ATP13A5: variants seen among roughly 807,000 people sequenced by gnomAD.
ATP13A5 encodes the protein probable cation-transporting ATPase 13A5.
A neutral mutation model predicts 150.2 loss-of-function variants in ATP13A5; 149 were observed. That is an observed-to-expected ratio of 0.99 (90% CI 0.87 to 1.14). The LOEUF is 1.14. Among genes scored for constraint, ATP13A5 ranks in the 50% most tolerant of loss-of-function variants. ATP13A5 has a pLI of 0.00. For missense variants in ATP13A5, 1,383 were observed against 1,449.3 expected (o/e 0.95, Z 0.74); for synonymous variants, 497 against 522.2 (o/e 0.95, Z 0.66).
intron 27 of ATP13A5, among the ~76,000 whole-genome samples, chr3:193,283,655 T>A (rs1717598063): frequency 6.6e-6 from 1 of 152,072 alleles, no homozygotes; most frequent in Non-Finnish European, 1.5e-5. Context: ...GAAGTGAAAA[T>A]CAGTACAAAC....
At chr3:193,312,928 T>TATGGTG (rs112889439) in intron 19 of ATP13A5, 8,074 of 152,018 alleles carry the variant, frequency 0.053, 631 homozygotes, top group African/African-American at 0.18. Context: ...GGAGAGGAAG[T>TATGGTG]ATGGTGGAGG....
intron 23 of ATP13A5, among the ~76,000 whole-genome samples, chr3:193,304,975 C>T (rs1718552664): frequency 6.6e-6 from 1 of 151,608 alleles, no homozygotes; most frequent in Admixed American, 6.6e-5. Flanking sequence ...AGAACTCCCT[C>T]ACTATCATGA....
At chr3:193,351,010 G>A in intron 7 of ATP13A5, 57 bp downstream of exon 7, 1 of 1,591,642 alleles carries the variant, frequency 6.3e-7, no homozygotes, top group Non-Finnish European at 8.6e-7. Context: ...AAATACCATG[G>A]GCTTTACTTC....
In ATP13A5 at chr3:193,332,060, C is replaced by T. The variant is rs191587087; in HGVS notation, c.1273-749G>A. ...TTTGGCTGTGTCCCGACCCAAATCT[C>T]GTCTTGAATTGTAGCTCCCCTAATT... is the stretch of plus-strand genomic sequence containing the variant. On this transcript the variant is annotated intron_variant, in intron 11 of 29. Coordinates refer to ENST00000342358, the MANE Select transcript of ATP13A5 (RefSeq NM_198505.4). Among the ~76,000 whole-genome samples the T allele has an allele frequency of 6.2e-4, 95 of 152,270 alleles. 1 individual carries two copies. The highest frequency in any genetic ancestry group is 3.1e-4 in the Non-Finnish European group (21 of 68,010).
rs775835625 is a variant in ATP13A5 at position 193,335,007 on chromosome 3, C to G, written c.1036G>C (p.Val346Leu). The G allele has an allele frequency of 1.2e-6, 2 of 1,613,836 alleles. No individual in the cohort carries two copies. Among genetic ancestry groups the G allele is most frequent in the Non-Finnish European group, 1.7e-6 (2 of 1,179,838 alleles). Reference protein sequence around the residue: ...CHSLEDYRKHVLFCGTEVIQV... With the variant: ...CHSLEDYRKHLLFCGTEVIQV... ...ATAACTTCTGTTCCACAGAAAAGGA[C>G]GTGTTTCCTATAATCCTCCAAACTG... The change falls in exon 10 of 30, where the codon GTC (valine) becomes CTC (leucine). Residue 346 changes from valine (V) to leucine (L), a missense_variant. By Grantham distance (32) the Val-to-Leu change is conservative. This residue lies in a region of ATP13A5 where 787 missense variants were observed against 771.9 expected (regional missense o/e 1.02). Coordinates refer to ENST00000342358, the MANE Select transcript of ATP13A5 (RefSeq NM_198505.4).
intron 17 of ATP13A5, among the ~76,000 whole-genome samples, chr3:193,317,357 T>A (rs1292346668): frequency 2.0e-5 from 3 of 152,218 alleles, no homozygotes; most frequent in Non-Finnish European, 4.4e-5. Context: ...TTTATGGGTT[T>A]ATTTTCTAAT....
chr3:193,362,775 T>TTCTCTCTTTCTTTCTC (rs1245254852), intron 3 of ATP13A5, 138 bp from the exon 4 acceptor site: 2 of 335,840 alleles, frequency 6.0e-6, no homozygotes, highest in African/African-American at 3.6e-5. Context: ...CTTTCTTTCT[T>TTCTCTCTTTCTTTCTC]TCTTTCTTTC....
Position 193,319,005 on chromosome 3 carries a change from G to A in ATP13A5, c.2019C>T (p.Val673=), listed in dbSNP as rs6788770. 6.2e-7 allele frequency: 1 copy of A among 1,613,470 alleles called. No homozygotes were observed. Among genetic ancestry groups the A allele is most frequent in the Non-Finnish European group, 8.5e-7 (1 of 1,179,500 alleles). ...GAATTGCTTACCTGGCTAAGTGCTC[G>A]ACTTCTGAAAGATTCCCCATCTTTA... ...KTLKMGNLSE[V]EHLAREKVES... The change falls in exon 17 of 30, where the codon GTC becomes GTT. Residue 673 remains valine (V), a synonymous_variant. Coordinates refer to ENST00000342358, the MANE Select transcript of ATP13A5 (RefSeq NM_198505.4).
At chr3:193,343,721 T>C (rs1042323440) in intron 9 of ATP13A5, among the ~76,000 whole-genome samples, 6 of 152,250 alleles carry the variant, frequency 3.9e-5, no homozygotes, top group Non-Finnish European at 7.3e-5. Flanking sequence ...TTTGTTTTCA[T>C]TTCACATTTA....
At chr3:193,344,230 G>T (rs1712239296) in intron 8 of ATP13A5, among the ~76,000 whole-genome samples, 175 bp from the exon 9 acceptor site, 1 of 152,154 alleles carries the variant, frequency 6.6e-6, no homozygotes, top group African/African-American at 2.4e-5. Context: ...TAGGAAATTG[G>T]TTCCTGGGAC....
At chr3:193,310,802 TG>T in intron 20 of ATP13A5, 85 bp from the exon 21 acceptor site, 1 of 974,842 alleles carries the variant, frequency 1.0e-6, no homozygotes, top group Non-Finnish European at 1.5e-6. Flanking sequence ...AAATCACTCC[TG>T]GTTACTAATT....
intron 13 of ATP13A5, among the ~76,000 whole-genome samples, chr3:193,326,249 A>G (rs1316947065): frequency 6.6e-6 from 1 of 152,178 alleles, no homozygotes; most frequent in East Asian, 1.9e-4. Context: ...CTTAGCCCAT[A>G]GGGAAGGAGC....
At chr3:193,350,520 C>A (rs1357285982) in intron 7 of ATP13A5, among the ~76,000 whole-genome samples, 1 of 152,130 alleles carries the variant, frequency 6.6e-6, no homozygotes, top group Non-Finnish European at 1.5e-5. Flanking sequence ...CATCCCCTAA[C>A]TCCCACACAG....
intron 17 of ATP13A5, among the ~76,000 whole-genome samples, chr3:193,315,491 C>T (rs1476560640): frequency 1.3e-5 from 2 of 152,188 alleles, no homozygotes; most frequent in East Asian, 3.8e-4. Context: ...TGCATACATA[C>T]AAGACACGAT....
chr3:193,326,428 C>T (rs1056926829), intron 13 of ATP13A5, among the ~76,000 whole-genome samples: 1 of 152,214 alleles, frequency 6.6e-6, no homozygotes. Flanking sequence ...CAAAACCTAT[C>T]TGAAGTGCCA....
intron 28 of ATP13A5, among the ~76,000 whole-genome samples, chr3:193,277,203 A>G (rs1272315768): frequency 6.6e-6 from 1 of 152,210 alleles, no homozygotes; most frequent in Non-Finnish European, 1.5e-5. Flanking sequence ...AATATTTCCA[A>G]TTCTCCCAAA....
chr3:193,342,245 G>A (rs917946314), intron 9 of ATP13A5, among the ~76,000 whole-genome samples: 2 of 152,142 alleles, frequency 1.3e-5, no homozygotes, highest in East Asian at 1.9e-4. Context: ...GGACCATTTC[G>A]TACATAGGGA....
intron 9 of ATP13A5, among the ~76,000 whole-genome samples, chr3:193,336,681 G>T (rs1257739738): frequency 6.6e-6 from 1 of 152,174 alleles, no homozygotes; most frequent in African/African-American, 2.4e-5. Context: ...ATTGTGAATA[G>T]TGCCACAATA....
intron 1 of ATP13A5, chr3:193,372,323 C>CTGCCATA: frequency 7.9e-6 from 1 of 126,192 alleles, no homozygotes; most frequent in African/African-American, 2.9e-5. Context: ...GGGGGAAGTT[C>CTGCCATA]TGCCATAAGG....
Sources: allele counts gnomAD v4.1 joint callset (sites outside exome capture counted in the v4.1 genomes callset), GRCh38; gene constraint gnomAD v4.1.1; regional missense constraint gnomAD v4.1.1; transcripts MANE v1.5; gene names NCBI Gene and HGNC (gene_info 2026-07-23, HGNC 2026-07-21).